CLYBL: variants seen among roughly 807,000 people sequenced by gnomAD.
The protein encoded by CLYBL is citramalyl-CoA lyase.
CLYBL carries 31 observed loss-of-function variants against 38.9 expected under a neutral mutation model. The ratio of observed to expected loss-of-function variants is 0.80; its 90% CI spans 0.60 to 1.08. The LOEUF (loss-of-function observed/expected upper bound fraction) is 1.08, where lower values mean the gene tolerates loss of function less well. CLYBL is among the 50% of genes least tolerant of loss of function. CLYBL has a pLI of 0.00. For missense variants in CLYBL, 434 were observed against 411.6 expected (o/e 1.05, Z -0.47); for synonymous variants, 171 against 158.6 (o/e 1.08, Z -0.59).
chr13:99,842,973 C>T (rs185711870), intron 2 of CLYBL, among the ~76,000 whole-genome samples: 7 of 152,176 alleles, frequency 4.6e-5, no homozygotes, highest in Admixed American at 1.3e-4. Context: ...TAACCACTTA[C>T]GTTATATGAT....
intron 2 of CLYBL, among the ~76,000 whole-genome samples, chr13:99,780,870 C>T (rs994884584): frequency 2.0e-5 from 3 of 150,938 alleles, no homozygotes; most frequent in Non-Finnish European, 3.0e-5. Context: ...CCTGCCACCA[C>T]ACCTGGCTCA....
chr13:99,812,268 T>C (rs1404325908), intron 2 of CLYBL, among the ~76,000 whole-genome samples: 1 of 152,188 alleles, frequency 6.6e-6, no homozygotes, highest in East Asian at 1.9e-4. Flanking sequence ...ACACTCCTAT[T>C]GTTATGGGTT....
At chr13:99,758,552 C>A (rs2049107639) in intron 1 of CLYBL, among the ~76,000 whole-genome samples, 1 of 152,144 alleles carries the variant, frequency 6.6e-6, no homozygotes, top group Non-Finnish European at 1.5e-5. Flanking sequence ...ACAACTCAAG[C>A]ACAGAACAGA....
At chr13:99,795,739 G>A (rs1027548685) in intron 2 of CLYBL, among the ~76,000 whole-genome samples, 4 of 152,324 alleles carry the variant, frequency 2.6e-5, no homozygotes, top group South Asian at 2.1e-4. Flanking sequence ...GGTGCTGGCC[G>A]GAGATAAAAG....
At chr13:99,721,806 A>C (rs1125436) in intron 1 of CLYBL, among the ~76,000 whole-genome samples, 30,182 of 151,948 alleles carry the variant, frequency 0.2, 3,334 homozygotes, top group East Asian at 0.48. Flanking sequence ...GTGGTAGGTT[A>C]GTTCCTGGCC....
At chr13:99,734,791 C>A (rs2048641708) in intron 1 of CLYBL, among the ~76,000 whole-genome samples, 1 of 152,176 alleles carries the variant, frequency 6.6e-6, no homozygotes, top group South Asian at 2.1e-4. Context: ...TGATAGGGAA[C>A]ATTACCTTTG....
At chr13:99,740,519 T>C (rs574753175) in intron 1 of CLYBL, among the ~76,000 whole-genome samples, 1 of 152,344 alleles carries the variant, frequency 6.6e-6, no homozygotes, top group African/African-American at 2.4e-5. Context: ...TCTTACTCAT[T>C]TCCCCTCTCC....
At chr13:99,857,576 C>G (rs2051491249) in intron 2 of CLYBL, among the ~76,000 whole-genome samples, 1 of 152,174 alleles carries the variant, frequency 6.6e-6, no homozygotes, top group South Asian at 2.1e-4. Flanking sequence ...TCCCATCTGA[C>G]CCGACAACTC....
intron 1 of CLYBL, among the ~76,000 whole-genome samples, chr13:99,608,414 A>C (rs1452626902): frequency 6.6e-6 from 1 of 152,142 alleles, no homozygotes; most frequent in African/African-American, 2.4e-5. Flanking sequence ...GTGACTCTTC[A>C]GTCACCCATG....
chr13:99,838,623 G>A (rs1482019483), intron 2 of CLYBL, among the ~76,000 whole-genome samples: 1 of 152,102 alleles, frequency 6.6e-6, no homozygotes, highest in Non-Finnish European at 1.5e-5. Context: ...ACTATAAATT[G>A]TCAAACATTT....
In CLYBL at chr13:99,842,037, C is replaced by T. The variant is rs560092594; in HGVS notation, c.250-16824C>T. Among the ~76,000 whole-genome samples, 8 of 151,230 alleles carry T rather than the reference C, an allele frequency of 5.3e-5. No homozygotes were observed. In the South Asian group the frequency reaches 1.5e-3, roughly 28 times the overall value. On this transcript the variant is annotated intron_variant, in intron 2 of 8. Transcript: ENST00000339105. Reference sequence around the variant, plus strand: ...TTCACCATGTTGACCAGGCTGGTCTCCAATTCCTGACCTCAGGTGATCTGC... The same window carrying T: ...TTCACCATGTTGACCAGGCTGGTCTTCAATTCCTGACCTCAGGTGATCTGC...
chr13:99,841,723 G>A (rs751080975), intron 2 of CLYBL, among the ~76,000 whole-genome samples: 7 of 151,884 alleles, frequency 4.6e-5, no homozygotes, highest in Non-Finnish European at 7.4e-5. Context: ...TAAGCTTTAC[G>A]TGACAACGTG....
chr13:99,694,955 G>A lies in CLYBL; in HGVS notation c.63-77869G>A, dbSNP rs114487488. On this transcript the variant is annotated intron_variant, in intron 1 of 8. Transcript: ENST00000339105. ...GTGATTTTTCTGCCCTGTAGGGATG[G>A]GAAAATGGTTAATCATCATGGGGGC... 2.1e-3 allele frequency among the ~76,000 whole-genome samples: 315 copies of A among 152,236 alleles called. 1 individual carries two copies. Among genetic ancestry groups the A allele is most frequent in the African/African-American group, 7.2e-3 (301 of 41,540 alleles).
At chr13:99,618,907 A>G (rs80311799) in intron 1 of CLYBL, among the ~76,000 whole-genome samples, 152 of 152,336 alleles carry the variant, frequency 1.0e-3, no homozygotes, top group South Asian at 2.9e-3. Context: ...TTAAGGCTGA[A>G]TAATCTATTG....
intron 1 of CLYBL, among the ~76,000 whole-genome samples, chr13:99,644,109 TG>T (rs1295171940): frequency 7.0e-6 from 1 of 142,514 alleles, no homozygotes; most frequent in East Asian, 2.1e-4. Context: ...TTATATGTGG[TG>T]TATGTATGTA....
At chr13:99,622,770 A>G (rs780746466) in intron 1 of CLYBL, among the ~76,000 whole-genome samples, 20 of 151,288 alleles carry the variant, frequency 1.3e-4, no homozygotes, top group Middle Eastern at 6.8e-3. Context: ...ATTCCTTTGT[A>G]TGGATATAGC....
Position 99,656,394 on chromosome 13 carries a change from T to C in CLYBL, c.62+49637T>C, listed in dbSNP as rs572749975. ...TCCCCATGAACTAGCCAAAGCTTTG[T>C]ATCTGTCATCCCGCCATTTGTCCCT... On this transcript the variant is annotated intron_variant, in intron 1 of 8. Coordinates refer to ENST00000339105, the MANE Select transcript of CLYBL (RefSeq NM_206808.5). Among the ~76,000 whole-genome samples the C allele has an allele frequency of 2.3e-3, 346 of 152,334 alleles. 2 individuals carry two copies. The highest frequency in any genetic ancestry group is 7.5e-3 in the African/African-American group (311 of 41,568).
intron 1 of CLYBL, among the ~76,000 whole-genome samples, chr13:99,628,072 A>G (rs2046894175): frequency 6.6e-6 from 1 of 152,202 alleles, no homozygotes; most frequent in Admixed American, 6.5e-5. Context: ...GAACATTTTT[A>G]CTTGTGTAGT....
In CLYBL at chr13:99,764,681, T is replaced by A. The variant is rs180883798; in HGVS notation, c.63-8143T>A. Among the ~76,000 whole-genome samples the A allele has an allele frequency of 2.6e-3, 396 of 152,172 alleles. 1 individual carries two copies. The highest frequency in any genetic ancestry group is 4.3e-3 in the Non-Finnish European group (291 of 67,984). On this transcript the variant is annotated intron_variant, in intron 1 of 8. Coordinates refer to ENST00000339105, the MANE Select transcript of CLYBL (RefSeq NM_206808.5). The stretch of plus-strand genomic sequence containing the variant: ...GGCTTGTCAATTTTTGTATCTTATC[T>A]TTTTTTATTTTGTGAGACAGCATCT...
Sources: allele counts gnomAD v4.1 joint callset (sites outside exome capture counted in the v4.1 genomes callset), GRCh38; gene constraint gnomAD v4.1.1; transcripts MANE v1.5; gene names NCBI Gene and HGNC (gene_info 2026-07-23, HGNC 2026-07-21).